The following TRPV3 variants were observed in gnomAD, a reference collection of about 807,000 sequenced individuals.
TRPV3 encodes transient receptor potential cation channel subfamily V member 3, also known as VRL-3.
TRPV3 carries 88 observed loss-of-function variants against 87.1 expected under a neutral mutation model. That is an observed-to-expected ratio of 1.01 (90% CI 0.85 to 1.21). TRPV3 has a LOEUF of 1.21. TRPV3 is among the 50% of genes most tolerant of loss of function. TRPV3 has a pLI of 0.00. For missense variants in TRPV3, 1,054 were observed against 1,030.1 expected, an observed-to-expected ratio of 1.02 and a Z score of -0.32; for synonymous variants, 438 against 423.3, an observed-to-expected ratio of 1.03 and a Z score of -0.43.
Position 3,543,565 on chromosome 17 carries a change from T to A in TRPV3, c.375A>T (p.Ala125=). The change falls in exon 5 of 18, where the codon GCA becomes GCT. Residue 125 remains alanine, a synonymous_variant. Coordinates refer to ENST00000576742, the MANE Select transcript of TRPV3 (RefSeq NM_145068.4). ...KKRRLKKRIF[A]AVSEGCVEEL... ...CCTCCACGCAGCCCTCAGACACGGCTGCAAAGATGCGCTTCTTCAGCCGCC... is the reference window on the plus strand; with the variant it reads ...CCTCCACGCAGCCCTCAGACACGGCAGCAAAGATGCGCTTCTTCAGCCGCC... 1 of 1,614,158 alleles carries A rather than the reference T, an allele frequency of 6.2e-7. No homozygotes were observed. The highest frequency in any genetic ancestry group is 1.3e-5 in the African/African-American group (1 of 75,064).
intron 6 of TRPV3, among the ~76,000 whole-genome samples, chr17:3,537,099 T>C (rs1285184795): frequency 6.6e-6 from 1 of 152,196 alleles, no homozygotes; most frequent in Non-Finnish European, 1.5e-5. Flanking sequence ...TAAAGGTTTT[T>C]GGTTTTGGGG....
intron 2 of TRPV3, among the ~76,000 whole-genome samples, chr17:3,549,838 G>C (rs2074557334): frequency 6.6e-6 from 1 of 151,506 alleles, no homozygotes; most frequent in African/African-American, 2.4e-5. Context: ...TGGATGAATA[G>C]ATGATTGATG....
intron 12 of TRPV3, among the ~76,000 whole-genome samples, chr17:3,525,190 T>C (rs974262023): frequency 6.6e-6 from 1 of 152,168 alleles, no homozygotes; most frequent in Non-Finnish European, 1.5e-5. Flanking sequence ...AGGCTCATTT[T>C]TGTATTTTTA....
Position 3,512,473 on chromosome 17 carries a change from A to G in TRPV3, c.*1444T>C, listed in dbSNP as rs931228725. On this transcript the variant is annotated 3_prime_UTR_variant, in exon 18 of 18. Transcript: ENST00000576742. ...GGCCCCGACTCTTCAGTTTGCCTCA[A>G]GCCAGATGAACTTATCTATCGCCAT... 3.9e-5 allele frequency: 6 copies of G among 152,268 alleles called. No homozygotes were observed. The highest frequency in any genetic ancestry group is 5.9e-5 in the Non-Finnish European group (4 of 68,050). 9.4% of individuals were successfully genotyped at this position (152,268 alleles called of 1,614,324 possible).
chr17:3,552,529 A>C (rs555101792), intron 2 of TRPV3: 3 of 152,330 alleles, frequency 2.0e-5, no homozygotes, highest in Non-Finnish European at 4.4e-5. Flanking sequence ...CTCTGGGCCC[A>C]AGTCCCCGAC....
intron 6 of TRPV3, among the ~76,000 whole-genome samples, chr17:3,536,698 C>A (rs977230323): frequency 1.3e-5 from 2 of 152,178 alleles, no homozygotes; most frequent in Non-Finnish European, 2.9e-5. Context: ...GGAGAAAGAG[C>A]CTTCAGGATG....
In TRPV3 at chr17:3,528,211, G is replaced by T; in HGVS notation, c.1402-85C>A. 9.9e-7 allele frequency: 1 copy of T among 1,008,236 alleles called. No homozygotes were observed. Among genetic ancestry groups the T allele is most frequent in the Non-Finnish European group, 1.5e-6 (1 of 688,402 alleles). 62.5% of individuals were successfully genotyped at this position (1,008,236 alleles called of 1,614,324 possible). A position where few individuals can be genotyped will look rare whatever the true frequency, so the allele number is the denominator to read the frequency against. On this transcript the variant is annotated intron_variant, in intron 10 of 17. Transcript: ENST00000576742. The surrounding 1 kb of genome is among the most constrained non-coding windows in gnomAD (Gnocchi z 4.2). ...ACTCTAGAGGGACCAAAACCCAGGT[G>T]AAACACTCAAGCCGGGCCAGAGACC...
Position 3,542,548 on chromosome 17 carries a change from G to GCGTTGATGAACCTGCC in TRPV3, c.601_616dup (p.Ala206GlyfsTer14). 6.2e-7 allele frequency: 1 copy of GCGTTGATGAACCTGCC among 1,614,020 alleles called. No individual in the cohort carries two copies. The highest frequency in any genetic ancestry group is 8.5e-7 in the Non-Finnish European group (1 of 1,179,974). On this transcript the variant is annotated frameshift_variant, in exon 6 of 18. Coordinates refer to ENST00000576742, the MANE Select transcript of TRPV3 (RefSeq NM_145068.4). LOFTEE classifies it high-confidence loss of function. ...TTCATAGGCCTCCTCTGTGTACTCG[G>GCGTTGATGAACCTGCC]CGTTGATGAACCTGCCCAGGATGTC...
intron 12 of TRPV3, among the ~76,000 whole-genome samples, chr17:3,525,316 A>G (rs995452838): frequency 6.6e-5 from 10 of 152,122 alleles, no homozygotes; most frequent in East Asian, 1.9e-4. Context: ...CAACGCGCCC[A>G]GCATTAAATC....
chr17:3,536,293 A>G (rs1399149257), intron 6 of TRPV3, among the ~76,000 whole-genome samples: 1 of 152,246 alleles, frequency 6.6e-6, no homozygotes, highest in Non-Finnish European at 1.5e-5. Context: ...AGGATGCGTT[A>G]GAAGCAGCCG....
chr17:3,543,088 C>A (rs2074484537), intron 5 of TRPV3, among the ~76,000 whole-genome samples: 1 of 151,900 alleles, frequency 6.6e-6, no homozygotes, highest in African/African-American at 2.4e-5. Flanking sequence ...CTCCACCAGC[C>A]ACCAAGCTAC....
chr17:3,548,798 C>T lies in TRPV3; in HGVS notation c.120-3527G>A, dbSNP rs368125071. 6.6e-5 allele frequency among the ~76,000 whole-genome samples: 10 copies of T among 152,332 alleles called. No homozygotes were observed. The South Asian group carries it at 2.1e-3, about 32-fold the overall frequency. On this transcript the variant is annotated intron_variant, in intron 2 of 17. Transcript: ENST00000576742. Reference sequence around the variant, plus strand: ...ACCTAAAGCCTGGGTTCTAGTCCAGCTGTGTCTCTGCCTCCTGTATGACCC... The same window carrying T: ...ACCTAAAGCCTGGGTTCTAGTCCAGTTGTGTCTCTGCCTCCTGTATGACCC...
chr17:3,521,418 C>G (rs1415799811), intron 13 of TRPV3, among the ~76,000 whole-genome samples: 1 of 152,094 alleles, frequency 6.6e-6, no homozygotes, highest in African/African-American at 2.4e-5. Flanking sequence ...TTAAACACAG[C>G]CATTATTCAG....
intron 2 of TRPV3, among the ~76,000 whole-genome samples, chr17:3,551,272 C>G (rs1487101391): frequency 6.6e-6 from 1 of 152,132 alleles, no homozygotes; most frequent in African/African-American, 2.4e-5. Context: ...GGGCAAAGAC[C>G]TAACTCCTGG....
At chr17:3,548,185 C>T (rs753489684) in intron 2 of TRPV3, among the ~76,000 whole-genome samples, 13 of 152,164 alleles carry the variant, frequency 8.5e-5, no homozygotes, top group Admixed American at 5.9e-4. Context: ...ACCAACATGC[C>T]CCTTCCTTCC....
intron 17 of TRPV3, 27 bp from the exon 18 acceptor site, chr17:3,514,038 AG>A: frequency 6.5e-7 from 1 of 1,529,830 alleles, no homozygotes; most frequent in Non-Finnish European, 9.0e-7. Flanking sequence ...TATATATTTT[AG>A]AAATATATCA....
chr17:3,524,450 C>A, intron 12 of TRPV3, 87 bp from the exon 13 acceptor site: 2 of 1,527,444 alleles, frequency 1.3e-6, no homozygotes, highest in Non-Finnish European at 1.8e-6. Context: ...CTCCCTTAAA[C>A]CCCCTGAACA....
intron 15 of TRPV3, among the ~76,000 whole-genome samples, chr17:3,516,958 C>CA (rs1256410832): frequency 5.3e-5 from 8 of 151,844 alleles, no homozygotes; most frequent in African/African-American, 1.9e-4. Flanking sequence ...GCAGCCTGGC[C>CA]AACATGGCAA....
chr17:3,542,489 C>T, intron 6 of TRPV3, 33 bp downstream of exon 6: 1 of 1,599,806 alleles, frequency 6.3e-7, no homozygotes, highest in Non-Finnish European at 8.5e-7. Flanking sequence ...CTCAGAGACT[C>T]CTGTCTGCAC....
Sources: gnomAD v4.1 joint callset for allele counts (sites outside exome capture counted in the v4.1 genomes callset) on GRCh38, gnomAD v4.1.1 for gene constraint, Gnocchi (gnomAD v3.1) non-coding constraint, MANE v1.5 for transcripts, NCBI Gene and HGNC (gene_info 2026-07-23, HGNC 2026-07-21) for gene names.